CELF1: variants seen among roughly 807,000 people sequenced by gnomAD.
The protein encoded by CELF1 is 50 kDa nuclear polyadenylated RNA-binding protein.
In CELF1, 10 loss-of-function variants were observed where a neutral mutation model predicts 61.8. That is an observed-to-expected ratio of 0.16 (90% CI 0.10 to 0.27). CELF1 has a LOEUF of 0.27. Among genes scored for constraint, CELF1 ranks in the 10% least tolerant of loss-of-function variants. CELF1 has a pLI of 1.00. For synonymous variants in CELF1, 236 were observed against 225.1 expected (o/e 1.05, Z -0.43); for missense variants, 380 against 639.1 (o/e 0.59, Z 4.37).
At chr11:47,510,517 C>T (rs1176121144) in intron 1 of CELF1, among the ~76,000 whole-genome samples, 1 of 152,160 alleles carries the variant, frequency 6.6e-6, no homozygotes, top group East Asian at 1.9e-4. Context: ...TTGAGGGTCT[C>T]GCTCTGTTGC....
chr11:47,538,055 A>G (rs1046503269), intron 1 of CELF1, among the ~76,000 whole-genome samples: 1 of 152,028 alleles, frequency 6.6e-6, no homozygotes, highest in East Asian at 1.9e-4. Flanking sequence ...AGCTAGGACT[A>G]CAGGTGTGCA....
At chr11:47,561,747 C>A (rs569619644) in intron 2 of CELF1, among the ~76,000 whole-genome samples, 6 of 152,134 alleles carry the variant, frequency 3.9e-5, no homozygotes, top group Non-Finnish European at 7.4e-5. Context: ...TTCAAAATAG[C>A]CAAAAGTGGA....
intron 13 of CELF1, 99 bp downstream of exon 13, chr11:47,475,237 C>T (rs548509837): frequency 1.8e-5 from 20 of 1,083,432 alleles, no homozygotes; most frequent in South Asian, 7.0e-5. Flanking sequence ...AATGGTCTGA[C>T]GACCTAACTG....
At chr11:47,484,598 C>G (rs1167375967) in intron 6 of CELF1, 75 bp from the exon 7 acceptor site, 1 of 1,346,648 alleles carries the variant, frequency 7.4e-7, no homozygotes, top group African/African-American at 1.5e-5. Flanking sequence ...GGGAGCCAGA[C>G]CGCCTGGGTT....
At chr11:47,492,842 T>C (rs1202389982) in intron 3 of CELF1, among the ~76,000 whole-genome samples, 3 of 152,206 alleles carry the variant, frequency 2.0e-5, no homozygotes, top group African/African-American at 7.2e-5. Context: ...TGCTAATCTT[T>C]CATTCTATTT....
rs542216350 is a variant in CELF1 at position 47,564,622 on chromosome 11, G to A, written c.-129-153C>T. ...AGCCTGGCTGACAAGGTGAAACCTC[G>A]TCTCTACTAAAAACAAAAGTTAGCT... On this transcript the variant is annotated intron_variant, in intron 1 of 3. Coordinates refer to the CELF1 transcript ENST00000525841. Among the ~76,000 whole-genome samples the A allele has an allele frequency of 4.0e-5, 6 of 151,208 alleles. No homozygotes were observed. In the South Asian group the frequency reaches 1.3e-3, roughly 32 times the overall value.
intron 1 of CELF1, among the ~76,000 whole-genome samples, chr11:47,533,457 A>G (rs1338750824): frequency 1.3e-5 from 2 of 152,126 alleles, no homozygotes; most frequent in Non-Finnish European, 2.9e-5. Flanking sequence ...CCCCCTCTCT[A>G]CTAAAATACA....
At chr11:47,498,347 G>A (rs1220783137) in intron 3 of CELF1, among the ~76,000 whole-genome samples, 1 of 152,240 alleles carries the variant, frequency 6.6e-6, no homozygotes, top group Non-Finnish European at 1.5e-5. Context: ...TGAGGCTACA[G>A]TGAACTGTGA....
rs1380947343 is a variant in CELF1 at position 47,549,820 on chromosome 11, G to T, written c.-154+3172C>A. On this transcript the variant is annotated intron_variant, in intron 1 of 14. Transcript: ENST00000687097. ...TTAGTAAATGTTGTGGGTTTTTTTT[G>T]TTTTTTTTTTTTCTGAGACAGAGTC... Among the ~76,000 whole-genome samples, 95 of 145,144 alleles carry T rather than the reference G, an allele frequency of 6.5e-4. No individual in the cohort carries two copies. In the Middle Eastern group the frequency reaches 0.011, roughly 16 times the overall value.
At chr11:47,490,420 T>C (rs1046613347) in intron 3 of CELF1, among the ~76,000 whole-genome samples, 23 of 147,966 alleles carry the variant, frequency 1.6e-4, no homozygotes, top group Middle Eastern at 3.5e-3. Flanking sequence ...CCAAACAACA[T>C]GCTAGTTTTT....
At chr11:47,534,097 C>T (rs1250741204) in intron 1 of CELF1, among the ~76,000 whole-genome samples, 2 of 130,892 alleles carry the variant, frequency 1.5e-5, no homozygotes, top group Non-Finnish European at 3.1e-5. Context: ...GACACAATCT[C>T]TGCTCACTGC....
chr11:47,482,895 T>C (rs753729195), intron 8 of CELF1, 39 bp from the exon 9 acceptor site: 1 of 1,577,960 alleles, frequency 6.3e-7, no homozygotes, highest in East Asian at 2.3e-5. Flanking sequence ...AATTCCTCCA[T>C]CTGAAAAGAA....
chr11:47,491,099 T>C (rs1286862140), intron 3 of CELF1, among the ~76,000 whole-genome samples: 1 of 151,956 alleles, frequency 6.6e-6, no homozygotes, highest in Non-Finnish European at 1.5e-5. Context: ...TGACCTCAGG[T>C]GATCTGCCTG....
rs2076954744 is a variant in CELF1 at position 47,468,014 on chromosome 11, C to T, written c.*4216G>A. 6.6e-6 allele frequency: 1 copy of T among 152,102 alleles called. No individual in the cohort carries two copies. The highest frequency in any genetic ancestry group is 2.1e-4 in the South Asian group (1 of 4,826). The allele number at this position is 152,102 out of a possible 1,614,324, so 9.4% of individuals were successfully genotyped here. ...AAGAAACAGCAGGAAACATGCAAAA[C>T]TTTTTTCTGGGCATAATCTTAGTAG... On this transcript the variant is annotated 3_prime_UTR_variant, in exon 15 of 15. Coordinates refer to ENST00000687097, the MANE Select transcript of CELF1 (RefSeq NM_001376376.1).
Position 47,542,114 on chromosome 11 carries a change from A to C in CELF1, c.-154+10878T>G, listed in dbSNP as rs536560827. Among the ~76,000 whole-genome samples the C allele has an allele frequency of 4.6e-5, 7 of 152,260 alleles. No homozygotes were observed. The South Asian group carries it at 1.5e-3, about 32-fold the overall frequency. ...GCTGGGCGCGGTGGCGTGCGTCTGTAATTTCAGCACTTCGGGAGGCCGAGG... is the reference window on the plus strand; with the variant it reads ...GCTGGGCGCGGTGGCGTGCGTCTGTCATTTCAGCACTTCGGGAGGCCGAGG... On this transcript the variant is annotated intron_variant, in intron 1 of 14. Coordinates refer to ENST00000687097, the MANE Select transcript of CELF1 (RefSeq NM_001376376.1).
intron 3 of CELF1, 150 bp from the exon 4 acceptor site, chr11:47,489,174 C>T (rs2089568410): frequency 1.5e-6 from 1 of 669,532 alleles, no homozygotes; most frequent in Non-Finnish European, 2.3e-6. Flanking sequence ...ACCAGAGTTC[C>T]CTGGTTCTCC....
At chr11:47,565,535 G>T, upstream of CELF1, 1 of 1,134,100 alleles carries the variant, frequency 8.8e-7, no homozygotes, top group Non-Finnish European at 1.1e-6. Flanking sequence ...AGTGCAGCTG[G>T]CAGCCCCGCC....
intron 3 of CELF1, among the ~76,000 whole-genome samples, chr11:47,492,803 C>A (rs1415670896): frequency 6.6e-6 from 1 of 152,158 alleles, no homozygotes; most frequent in Admixed American, 6.6e-5. Context: ...ACTTTAATTA[C>A]CAGTTGTAAT....
chr11:47,541,789 AG>A, intron 1 of CELF1, among the ~76,000 whole-genome samples: 1 of 26,010 alleles, frequency 3.8e-5, no homozygotes, highest in Non-Finnish European at 1.1e-4. Context: ...AACGAAAGAA[AG>A]AACGAAAGAA....
Sources: gnomAD v4.1 joint callset for allele counts (sites outside exome capture counted in the v4.1 genomes callset) on GRCh38, gnomAD v4.1.1 for gene constraint, MANE v1.5 for transcripts, NCBI Gene and HGNC (gene_info 2026-07-23, HGNC 2026-07-21) for gene names.